SMAD5: variants seen among roughly 807,000 people sequenced by gnomAD.
The protein encoded by SMAD5 is MAD, mothers against decapentaplegic homolog 5.
SMAD5 carries 9 observed loss-of-function variants against 43.1 expected under a neutral mutation model. The observed-to-expected ratio is 0.21, with a 90% CI of 0.13 to 0.36. SMAD5 has a LOEUF of 0.36. Among genes scored for constraint, SMAD5 ranks in the 10% least tolerant of loss-of-function variants. SMAD5 has a pLI of 1.00. For missense variants in SMAD5, 348 were observed against 574.0 expected (o/e 0.61, Z 4.02); for synonymous variants, 190 against 192.4 (o/e 0.99, Z 0.10).
Position 136,177,410 on chromosome 5 carries a change from C to T in SMAD5, c.1328C>T (p.Pro443Leu). 6.2e-7 allele frequency: 1 copy of T among 1,611,888 alleles called. No individual in the cohort carries two copies. Among genetic ancestry groups the T allele is most frequent in the Non-Finnish European group, 8.5e-7 (1 of 1,178,110 alleles). Reference sequence around the variant, plus strand: ...TGGATTGAGATTCATCTTCATGGGCCTCTTCAGTGGCTGGATAAAGTCCTT... The same window carrying T: ...TGGATTGAGATTCATCTTCATGGGCTTCTTCAGTGGCTGGATAAAGTCCTT... ...PCWIEIHLHG[P>L]LQWLDKVLTQ... Residue 443 changes from proline to leucine, a missense_variant, in exon 8 of 8, where the codon CCT becomes CTT. Coordinates refer to ENST00000545279, the MANE Select transcript of SMAD5 (RefSeq NM_005903.7).
Position 136,156,416 on chromosome 5 carries a change from G to A in SMAD5, c.403+2253G>A, listed in dbSNP as rs556202941. Among the ~76,000 whole-genome samples, 7 of 152,296 alleles carry A rather than the reference G, an allele frequency of 4.6e-5. No individual in the cohort carries two copies. In the South Asian group the frequency reaches 6.2e-4, roughly 14 times the overall value. On this transcript the variant is annotated intron_variant, in intron 3 of 7. Coordinates refer to ENST00000545279, the MANE Select transcript of SMAD5 (RefSeq NM_005903.7). ...ACCTTAGAGTCTATCTGGGTTTCAC[G>A]TGGAGATGTGTGGTAAAAAGACTGA...
At chr5:136,174,675 G>C in intron 7 of SMAD5, 43 bp downstream of exon 7, 2 of 1,392,380 alleles carry the variant, frequency 1.4e-6, no homozygotes, top group Non-Finnish European at 2.0e-6. Flanking sequence ...CTATAAATGT[G>C]TATATTATGA....
rs561475840 is a variant in SMAD5, at chr5:136,161,145, T to A, written c.655+38T>A. On this transcript the variant is annotated intron_variant, in intron 4 of 7. Transcript: ENST00000545279. ...TTTATTGATACCAAAAAAAAAAAAA[T>A]TCCTAAGAATCACAGTTGTTCTTAC... 50 of 1,535,612 alleles carry A rather than the reference T, an allele frequency of 3.3e-5. No individual in the cohort carries two copies. The African/African-American group carries it at 5.0e-4, about 15-fold the overall frequency.
chr5:136,167,739 C>T (rs1273398517), intron 5 of SMAD5, among the ~76,000 whole-genome samples: 1 of 148,058 alleles, frequency 6.8e-6, no homozygotes, highest in Non-Finnish European at 1.5e-5. Context: ...GATCATGCTA[C>T]TGTGCTCAAT....
chr5:136,153,675 C>A lies in SMAD5; in HGVS notation c.-86C>A. On this transcript the variant is annotated 5_prime_UTR_variant, in exon 3 of 8. Coordinates refer to ENST00000545279, the MANE Select transcript of SMAD5 (RefSeq NM_005903.7). Reference sequence around the variant, plus strand: ...TTTTAATTGGAACTTCTGCTTAGGACCTGTGTATGACGTTTCACCTGTGAT... The same window carrying A: ...TTTTAATTGGAACTTCTGCTTAGGAACTGTGTATGACGTTTCACCTGTGAT... The A allele has an allele frequency of 9.3e-7, 1 of 1,080,722 alleles. No homozygotes were observed. Among genetic ancestry groups the A allele is most frequent in the Non-Finnish European group, 1.3e-6 (1 of 748,218 alleles). The allele number at this position is 1,080,722 out of a possible 1,614,324, so 66.9% of individuals were successfully genotyped here. A position where few individuals can be genotyped will look rare whatever the true frequency, so the allele number is the denominator to read the frequency against.
intron 5 of SMAD5, among the ~76,000 whole-genome samples, chr5:136,164,204 A>C (rs1319425737): frequency 1.3e-5 from 2 of 152,198 alleles, no homozygotes; most frequent in Non-Finnish European, 2.9e-5. Flanking sequence ...TCAAAAAAAC[A>C]AACAAAAATC....
intron 5 of SMAD5, among the ~76,000 whole-genome samples, chr5:136,170,511 G>A (rs968948212): frequency 6.6e-6 from 1 of 152,062 alleles, no homozygotes; most frequent in Admixed American, 6.5e-5. Context: ...AAGTGAAGTA[G>A]TGTCAGTCCT....
At chr5:136,158,449 T>C (rs2149771534) in intron 3 of SMAD5, among the ~76,000 whole-genome samples, 1 of 152,264 alleles carries the variant, frequency 6.6e-6, no homozygotes, top group Non-Finnish European at 1.5e-5. Context: ...TTTTTATACA[T>C]GCAGGAAGTC....
intron 1 of SMAD5, among the ~76,000 whole-genome samples, chr5:136,139,058 A>T (rs1437226814): frequency 6.6e-6 from 1 of 152,140 alleles, no homozygotes; most frequent in Admixed American, 6.5e-5. Flanking sequence ...TGCAGCAGTC[A>T]TAGAGATGTT....
intron 1 of SMAD5, among the ~76,000 whole-genome samples, chr5:136,140,433 C>A (rs1231336505): frequency 1.3e-5 from 2 of 152,168 alleles, no homozygotes; most frequent in Non-Finnish European, 2.9e-5. Context: ...GACCCCACTC[C>A]TTACCTTTTC....
At chr5:136,135,643 A>G (rs779915840) in intron 1 of SMAD5, among the ~76,000 whole-genome samples, 1 of 152,216 alleles carries the variant, frequency 6.6e-6, no homozygotes, top group African/African-American at 2.4e-5. Context: ...TAATATTACT[A>G]GTACTTTGTA....
chr5:136,174,264 A>C (rs935506530), intron 6 of SMAD5, 112 bp from the exon 7 acceptor site: 18 of 936,740 alleles, frequency 1.9e-5, no homozygotes, highest in Non-Finnish European at 2.6e-5. Flanking sequence ...CTGTCTAAAG[A>C]CTGCTGGAAG....
chr5:136,153,044 T>G (rs1753519676), intron 2 of SMAD5, among the ~76,000 whole-genome samples: 1 of 152,208 alleles, frequency 6.6e-6, no homozygotes, highest in Non-Finnish European at 1.5e-5. Flanking sequence ...TTTGAGGGTT[T>G]GGTACATCTT....
intron 2 of SMAD5, among the ~76,000 whole-genome samples, chr5:136,152,939 C>T (rs1000382397): frequency 2.0e-5 from 3 of 152,062 alleles, no homozygotes; most frequent in African/African-American, 7.2e-5. Flanking sequence ...TAGAAACTGA[C>T]CCTTTTAAAA....
Position 136,172,657 on chromosome 5 carries a change from TA to T in SMAD5, c.997+4del. The T allele has an allele frequency of 1.3e-6, 2 of 1,554,422 alleles. No individual in the cohort carries two copies. The highest frequency in any genetic ancestry group is 1.8e-6 in the Non-Finnish European group (2 of 1,125,576). On this transcript the variant is annotated splice_donor_region_variant and intron_variant, in intron 6 of 7. Transcript: ENST00000545279. ...ACACTAGGCGACATATTGGAAAAGG[TA>T]ATCTTGTCATTTTCCTACATTTAAT...
At position 136,148,156 on chromosome 5, in the gene SMAD5, G is replaced by T. The variant is rs184803119; in HGVS notation, c.-170+250G>T. On this transcript the variant is annotated intron_variant, in intron 2 of 7. Transcript: ENST00000545279. Reference sequence around the variant, plus strand: ...GAATTGTTATAATGAACAAATAATGGATCAAGTGTGAATGGATAAACAATT... The same window carrying T: ...GAATTGTTATAATGAACAAATAATGTATCAAGTGTGAATGGATAAACAATT... Among the ~76,000 whole-genome samples, 20 of 151,646 alleles carry T rather than the reference G, an allele frequency of 1.3e-4. No homozygotes were observed. The East Asian group carries it at 3.9e-3, about 29-fold the overall frequency.
At position 136,177,865 on chromosome 5, in the gene SMAD5, C is replaced by T. The variant is rs1754481274; in HGVS notation, c.*385C>T. ...CATATACAGTGAAGAGTAAGTTTTCCCTCCTACTCTCGATCTTCCAGAAGC... is the reference window on the plus strand; with the variant it reads ...CATATACAGTGAAGAGTAAGTTTTCTCTCCTACTCTCGATCTTCCAGAAGC... On this transcript the variant is annotated 3_prime_UTR_variant, in exon 8 of 8. Transcript: ENST00000545279. The T allele has an allele frequency of 6.5e-6, 1 of 154,674 alleles. No homozygotes were observed. The highest frequency in any genetic ancestry group is 2.0e-4 in the South Asian group (1 of 4,942). 9.6% of individuals were successfully genotyped at this position (154,674 alleles called of 1,614,324 possible).
intron 2 of SMAD5, among the ~76,000 whole-genome samples, chr5:136,153,268 G>A (rs1325567435): frequency 6.6e-6 from 1 of 152,134 alleles, no homozygotes; most frequent in East Asian, 1.9e-4. Flanking sequence ...AAGTACTTCA[G>A]AATCAAATTT....
chr5:136,167,454 A>T (rs1039772463), intron 5 of SMAD5, among the ~76,000 whole-genome samples: 17 of 152,076 alleles, frequency 1.1e-4, no homozygotes, highest in Non-Finnish European at 2.5e-4. Flanking sequence ...AAAACTCAGA[A>T]TTGAGTTTTA....
Sources: allele counts gnomAD v4.1 joint callset (sites outside exome capture counted in the v4.1 genomes callset), GRCh38; gene constraint gnomAD v4.1.1; transcripts MANE v1.5; gene names NCBI Gene and HGNC (gene_info 2026-07-23, HGNC 2026-07-21).